The following GTF2F2 variants were observed in gnomAD, a reference collection of about 807,000 sequenced individuals.
The protein encoded by GTF2F2 is ATP-dependent helicase GTF2F2.
Under a neutral mutation model 42.2 loss-of-function variants are expected in GTF2F2, and 23 were observed. That is an observed-to-expected ratio of 0.55 (90% confidence interval 0.39 to 0.77). GTF2F2 has a LOEUF of 0.77. Among genes scored for constraint, GTF2F2 ranks in the 30% least tolerant of loss-of-function variants. The probability of loss-of-function intolerance (pLI) is 0.00; values close to 1 mark genes in which losing one functional copy is unlikely to be tolerated. For missense variants in GTF2F2, 261 were observed against 287.2 expected, an observed-to-expected ratio of 0.91 and a Z score of 0.66; for synonymous variants, 105 against 100.8, an observed-to-expected ratio of 1.04 and a Z score of -0.25.
chr13:45,165,055 C>T (rs1287046303), intron 4 of GTF2F2, among the ~76,000 whole-genome samples: 1 of 151,904 alleles, frequency 6.6e-6, no homozygotes, highest in African/African-American at 2.4e-5. Context: ...TTTTATTAAG[C>T]GGACAGATAT....
intron 1 of GTF2F2, among the ~76,000 whole-genome samples, chr13:45,121,263 A>C (rs1200784518): frequency 6.6e-6 from 1 of 152,226 alleles, no homozygotes; most frequent in Non-Finnish European, 1.5e-5. Context: ...TTTAGAGCAC[A>C]TTTGGGTCTC....
At chr13:45,227,338 A>C (rs1396093958) in intron 5 of GTF2F2, among the ~76,000 whole-genome samples, 1 of 152,220 alleles carries the variant, frequency 6.6e-6, no homozygotes, top group Non-Finnish European at 1.5e-5. Flanking sequence ...CAGGTTATTG[A>C]TCAGAGATAG....
chr13:45,220,283 A>G (rs1874052952), intron 5 of GTF2F2, among the ~76,000 whole-genome samples: 2 of 152,158 alleles, frequency 1.3e-5, no homozygotes, highest in African/African-American at 4.8e-5. Flanking sequence ...TCAGAGTGCC[A>G]TTTATTACTC....
chr13:45,151,626 T>G, intron 3 of GTF2F2, 61 bp from the exon 4 acceptor site: 5 of 1,057,816 alleles, frequency 4.7e-6, no homozygotes, highest in Non-Finnish European at 6.8e-6. Flanking sequence ...TAACAAAAAT[T>G]TATATATATA....
At chr13:45,275,662 A>G (rs1414224923) in intron 7 of GTF2F2, among the ~76,000 whole-genome samples, 1 of 152,028 alleles carries the variant, frequency 6.6e-6, no homozygotes, top group Non-Finnish European at 1.5e-5. Context: ...AGAGTATTCC[A>G]TGGTGTATAT....
chr13:45,246,943 C>A (rs1244233680), intron 5 of GTF2F2, among the ~76,000 whole-genome samples: 1 of 151,188 alleles, frequency 6.6e-6, no homozygotes. Flanking sequence ...GAAGATGAGG[C>A]AGGAGAATGG....
intron 1 of GTF2F2, among the ~76,000 whole-genome samples, chr13:45,125,444 C>T (rs959382114): frequency 6.6e-6 from 1 of 152,048 alleles, no homozygotes; most frequent in Non-Finnish European, 1.5e-5. Context: ...CTCAGCCTCC[C>T]GAGTAGCTGG....
rs373141842 is a variant in GTF2F2 at position 45,194,566 on chromosome 13, AT to A, written c.305-12852del. 2.9e-4 allele frequency: 461 copies of A among 1,605,968 alleles called. 3 individuals carry two copies. In the African/African-American group the frequency reaches 5.2e-3, roughly 18 times the overall value. On this transcript the variant is annotated intron_variant, in intron 4 of 7. Coordinates refer to ENST00000340473, the MANE Select transcript of GTF2F2 (RefSeq NM_004128.3). ...TTCTCTTCTGTTTATTTTACGCTCCATTTTTTGAAGATGCTATTTCAGCTTG... is the reference window on the plus strand; with the variant it reads ...TTCTCTTCTGTTTATTTTACGCTCCATTTTTGAAGATGCTATTTCAGCTTG...
At chr13:45,174,655 T>TTTTA (rs1871783406) in intron 4 of GTF2F2, among the ~76,000 whole-genome samples, 1 of 148,124 alleles carries the variant, frequency 6.8e-6, no homozygotes, top group African/African-American at 2.5e-5. Context: ...TTTTTTTTTT[T>TTTTA]AGAAATAATA....
At chr13:45,231,472 C>A (rs569730659) in intron 5 of GTF2F2, among the ~76,000 whole-genome samples, 1 of 152,298 alleles carries the variant, frequency 6.6e-6, no homozygotes, top group South Asian at 2.1e-4. Context: ...TCTCTCACTT[C>A]TATTCATCCT....
intron 5 of GTF2F2, among the ~76,000 whole-genome samples, chr13:45,221,932 G>T (rs1406832857): frequency 1.3e-5 from 2 of 152,038 alleles, no homozygotes; most frequent in Non-Finnish European, 2.9e-5. Flanking sequence ...TCTTTCATCA[G>T]ATCTTCAGTT....
intron 5 of GTF2F2, among the ~76,000 whole-genome samples, chr13:45,211,362 A>G (rs1479652185): frequency 6.8e-6 from 1 of 147,262 alleles, no homozygotes; most frequent in Non-Finnish European, 1.5e-5. Flanking sequence ...GGTGAGGCTC[A>G]AAATTTTTTT....
At chr13:45,226,765 A>AT (rs1180569792) in intron 5 of GTF2F2, among the ~76,000 whole-genome samples, 3 of 152,104 alleles carry the variant, frequency 2.0e-5, no homozygotes, top group African/African-American at 7.2e-5. Flanking sequence ...ACAGCTGTCT[A>AT]TTTACGCCTT....
At chr13:45,201,209 T>C (rs1223819125) in intron 4 of GTF2F2, among the ~76,000 whole-genome samples, 1 of 152,226 alleles carries the variant, frequency 6.6e-6, no homozygotes, top group Non-Finnish European at 1.5e-5. Context: ...TCTCCTCAGT[T>C]CTTTGACATA....
At chr13:45,163,596 A>G (rs867220992) in intron 4 of GTF2F2, among the ~76,000 whole-genome samples, 43 of 152,316 alleles carry the variant, frequency 2.8e-4, no homozygotes, top group African/African-American at 9.9e-4. Flanking sequence ...AATTGAAACA[A>G]TTGTAATTTT....
chr13:45,225,952 TCAA>T (rs1243133730), intron 5 of GTF2F2, among the ~76,000 whole-genome samples: 2 of 152,174 alleles, frequency 1.3e-5, no homozygotes, highest in South Asian at 4.1e-4. Context: ...TGTAATTAAC[TCAA>T]CAAGTATGAA....
At chr13:45,125,728 G>A (rs760441411) in intron 1 of GTF2F2, among the ~76,000 whole-genome samples, 4 of 152,128 alleles carry the variant, frequency 2.6e-5, no homozygotes, top group Admixed American at 6.6e-5. Context: ...GAAGTTCAAG[G>A]AAACATGGGA....
chr13:45,194,335 A>T (rs1299313369), intron 4 of GTF2F2: 3 of 1,614,034 alleles, frequency 1.9e-6, no homozygotes, highest in African/African-American at 2.7e-5. Context: ...CCTGTCTATG[A>T]AATAATGACC....
chr13:45,156,217 G>A (rs925546709), intron 4 of GTF2F2, among the ~76,000 whole-genome samples: 1 of 152,210 alleles, frequency 6.6e-6, no homozygotes, highest in African/African-American at 2.4e-5. Context: ...TGTGCACTGA[G>A]GCAACTGGTA....
Sources: allele counts gnomAD v4.1 joint callset (sites outside exome capture counted in the v4.1 genomes callset), GRCh38; gene constraint gnomAD v4.1.1; transcripts MANE v1.5; gene names NCBI Gene and HGNC (gene_info 2026-07-23, HGNC 2026-07-21).